The following UBN2 variants were observed in gnomAD, a reference collection of about 807,000 sequenced individuals.
UBN2 encodes ubinuclein 2.
Under a neutral mutation model 120.2 loss-of-function variants are expected in UBN2, and 35 were observed. That is an observed-to-expected ratio of 0.29 (90% confidence interval 0.22 to 0.39). UBN2 has a LOEUF of 0.39. UBN2 is among the 10% of genes least tolerant of loss of function. The pLI, the probability that UBN2 is intolerant of heterozygous loss-of-function variation, is 1.00. For synonymous variants in UBN2, 661 were observed against 648.7 expected (o/e 1.02, Z -0.29); for missense variants, 1,693 against 1,663.2 (o/e 1.02, Z -0.31).
intron 2 of UBN2, among the ~76,000 whole-genome samples, chr7:139,247,851 T>C (rs971175160): frequency 6.6e-5 from 10 of 152,178 alleles, no homozygotes; most frequent in African/African-American, 2.4e-4. Flanking sequence ...CACTTGTCCT[T>C]GTCTGGGTAT....
chr7:139,296,964 G>A (rs1406513772), intron 17 of UBN2, among the ~76,000 whole-genome samples: 1 of 152,064 alleles, frequency 6.6e-6, no homozygotes, highest in Admixed American at 6.6e-5. Flanking sequence ...GGAGGTTGAG[G>A]CAGGGTGGAT....
chr7:139,289,395 C>T (rs1797879554), intron 15 of UBN2, among the ~76,000 whole-genome samples: 1 of 146,908 alleles, frequency 6.8e-6, no homozygotes, highest in African/African-American at 2.6e-5. Context: ...GGAAATTGCC[C>T]TCCCTAATTT....
intron 3 of UBN2, among the ~76,000 whole-genome samples, chr7:139,258,064 C>G (rs1416179798): frequency 6.6e-6 from 1 of 152,252 alleles, no homozygotes; most frequent in East Asian, 1.9e-4. Context: ...GCCACCGCAC[C>G]CAGCCAGTTT....
chr7:139,266,314 A>G lies in UBN2; in HGVS notation c.1396-19A>G, dbSNP rs762452343. 5 of 1,521,606 alleles carry G rather than the reference A, an allele frequency of 3.3e-6. No individual in the cohort carries two copies. In the South Asian group the frequency reaches 3.5e-5, roughly 11 times the overall value. The allele number at this position is 1,521,606 out of a possible 1,614,324, so 94.3% of individuals were successfully genotyped here. A position where few individuals can be genotyped will look rare whatever the true frequency, so the allele number is the denominator to read the frequency against. On this transcript the variant is annotated intron_variant, in intron 6 of 17. Coordinates refer to ENST00000473989, the MANE Select transcript of UBN2 (RefSeq NM_173569.4). The stretch of plus-strand genomic sequence containing the variant: ...TAATGGCCTATTTTGATTTATTATC[A>G]TCTTTCTTGTTTCTTTAGGCTGCCA...
chr7:139,294,201 T>A (rs1483264578), intron 17 of UBN2, among the ~76,000 whole-genome samples: 2 of 152,194 alleles, frequency 1.3e-5, no homozygotes, highest in African/African-American at 4.8e-5. Flanking sequence ...TGAAGGTGTT[T>A]ATTATGTGGA....
At chr7:139,261,885 C>A in intron 6 of UBN2, 144 bp downstream of exon 6, 6 of 821,958 alleles carry the variant, frequency 7.3e-6, no homozygotes, top group Non-Finnish European at 7.1e-6. Flanking sequence ...ACAATCTGAA[C>A]ATTTTTATAA....
At chr7:139,259,441 CTT>C in intron 5 of UBN2, 71 bp downstream of exon 5, 1 of 1,570,264 alleles carries the variant, frequency 6.4e-7, no homozygotes, top group Non-Finnish European at 8.6e-7. Flanking sequence ...GAAAGATATA[CTT>C]ACCATTAACT....
At chr7:139,250,212 G>A (rs955416484) in intron 2 of UBN2, among the ~76,000 whole-genome samples, 1 of 152,020 alleles carries the variant, frequency 6.6e-6, no homozygotes, top group African/African-American at 2.4e-5. Context: ...CTCTAGTCTG[G>A]GCTACAGAGC....
rs1798255722 is a variant in UBN2, at chr7:139,301,508, G to A, written c.*3672G>A. The A allele has an allele frequency of 6.6e-6, 1 of 152,152 alleles. No homozygotes were observed. Among genetic ancestry groups the A allele is most frequent in the Non-Finnish European group, 1.5e-5 (1 of 68,038 alleles). The allele number at this position is 152,152 out of a possible 1,614,324, so 9.4% of individuals were successfully genotyped here. A position where few individuals can be genotyped will look rare whatever the true frequency, so the allele number is the denominator to read the frequency against. On this transcript the variant is annotated 3_prime_UTR_variant, in exon 18 of 18. Coordinates refer to ENST00000473989, the MANE Select transcript of UBN2 (RefSeq NM_173569.4). ...ATCTATCATATTTGCTGCTACATTT[G>A]TAAAATGAACTTTGCCTGTATTGGT...
chr7:139,278,989 C>T (rs1241866759), intron 12 of UBN2, among the ~76,000 whole-genome samples: 1 of 152,022 alleles, frequency 6.6e-6, no homozygotes, highest in Non-Finnish European at 1.5e-5. Flanking sequence ...ATCTCATTCA[C>T]ACCTTCTTGG....
At position 139,237,014 on chromosome 7, in the gene UBN2, A is replaced by T. The variant is rs375524455; in HGVS notation, c.478A>T (p.Ile160Phe). The change falls in exon 2 of 18, where the codon ATT (isoleucine) becomes TTT (phenylalanine). Residue 160 changes from isoleucine (I) to phenylalanine (F), a missense_variant. Ile to Phe is a conservative substitution (Grantham distance 21). Around this residue, in one of 5 missense-constraint regions of UBN2, gnomAD observed 663 missense variants for 591.2 expected, o/e 1.12. Transcript: ENST00000473989. ...ATTCACCTTGAATCAGAAGAAGCTC[A>T]TTCACACAGAAGACCCATTTAATGA... Reference protein sequence around the residue: ...LLCGEQRKKLIHTEDPFNDEH... With the variant: ...LLCGEQRKKLFHTEDPFNDEH... The T allele has an allele frequency of 4.8e-5, 77 of 1,609,246 alleles. No individual in the cohort carries two copies. In the African/African-American group the frequency reaches 9.1e-4, roughly 19 times the overall value.
chr7:139,277,178 A>T (rs1797469323), intron 12 of UBN2: 1 of 152,242 alleles, frequency 6.6e-6, no homozygotes. Flanking sequence ...TTTGGGCAAC[A>T]TTATAAAATT....
intron 13 of UBN2, among the ~76,000 whole-genome samples, chr7:139,280,231 A>G (rs1221320234): frequency 1.3e-5 from 2 of 152,354 alleles, no homozygotes; most frequent in East Asian, 3.9e-4. Flanking sequence ...CAGTAGGAAC[A>G]ATAAACAGCA....
intron 2 of UBN2, among the ~76,000 whole-genome samples, chr7:139,246,882 G>A (rs1796484566): frequency 6.6e-6 from 1 of 152,136 alleles, no homozygotes. Context: ...TGTATTGCCT[G>A]TGTCCCTTCT....
At chr7:139,232,782 G>T (rs1796064105) in intron 1 of UBN2, among the ~76,000 whole-genome samples, 1 of 152,152 alleles carries the variant, frequency 6.6e-6, no homozygotes, top group South Asian at 2.1e-4. Context: ...AAAAATGTCA[G>T]CTTTGAATTT....
chr7:139,242,964 C>T (rs567060230), intron 2 of UBN2, among the ~76,000 whole-genome samples: 1 of 152,184 alleles, frequency 6.6e-6, no homozygotes. Context: ...TTTCTTCTCA[C>T]TTATAGGACT....
At chr7:139,289,612 A>G (rs772965825) in intron 15 of UBN2, among the ~76,000 whole-genome samples, 3 of 151,936 alleles carry the variant, frequency 2.0e-5, no homozygotes, top group Admixed American at 1.3e-4. Context: ...GTGTTTCACC[A>G]TGTTGGCCAG....
rs1461379062 is a variant in UBN2, at chr7:139,272,304, G to A, written c.1597-18G>A. The A allele has an allele frequency of 2.5e-6, 4 of 1,575,632 alleles. No individual in the cohort carries two copies. Among genetic ancestry groups the A allele is most frequent in the Non-Finnish European group, 2.6e-6 (3 of 1,155,742 alleles). On this transcript the variant is annotated intron_variant, in intron 8 of 17. Coordinates refer to ENST00000473989, the MANE Select transcript of UBN2 (RefSeq NM_173569.4). ...TAAATATGTCTGATAAAAACTTCTA[G>A]TATGTTTTTCTTTTTAGGATGATCG... is the stretch of plus-strand genomic sequence containing the variant.
Position 139,302,101 on chromosome 7 carries a change from T to G in UBN2, c.*4265T>G, listed in dbSNP as rs1798273606. 1 of 152,222 alleles carries G rather than the reference T, an allele frequency of 6.6e-6. No homozygotes were observed. The highest frequency in any genetic ancestry group is 1.5e-5 in the Non-Finnish European group (1 of 68,048). The allele number at this position is 152,222 out of a possible 1,614,324, so 9.4% of individuals were successfully genotyped here. ...TTGTTAAGTGCCTTTTTTCTTTCTT[T>G]TTTCCTCTCTTTTGAAACTGTTGTC... On this transcript the variant is annotated 3_prime_UTR_variant, in exon 18 of 18. Coordinates refer to ENST00000473989, the MANE Select transcript of UBN2 (RefSeq NM_173569.4).
Sources: gnomAD v4.1 joint callset for allele counts (sites outside exome capture counted in the v4.1 genomes callset) on GRCh38, gnomAD v4.1.1 for gene constraint, gnomAD v4.1.1 regional missense constraint, MANE v1.5 for transcripts, NCBI Gene and HGNC (gene_info 2026-07-23, HGNC 2026-07-21) for gene names.